Variants in PCDHGA2 observed in about 807,000 individuals in gnomAD.
PCDHGA2 encodes the protein protocadherin gamma subfamily A, 2.
A neutral mutation model predicts 59.2 loss-of-function variants in PCDHGA2; 40 were observed. The ratio of observed to expected loss-of-function variants is 0.68; its 90% CI spans 0.52 to 0.88. The LOEUF is 0.88. PCDHGA2 is among the 40% of genes least tolerant of loss of function. PCDHGA2 has a pLI of 0.00. For synonymous variants in PCDHGA2, 560 were observed against 526.0 expected (o/e 1.06, Z -0.89); for missense variants, 1,226 against 1,204.0 (o/e 1.02, Z -0.27).
intron 1 of PCDHGA2, among the ~76,000 whole-genome samples, chr5:141,443,789 A>G (rs1316614117): frequency 6.6e-6 from 1 of 152,234 alleles, no homozygotes; most frequent in East Asian, 1.9e-4. Context: ...GACAAAAAAA[A>G]TGAAAAGGAA....
At chr5:141,342,887 T>C (rs1757223099) in intron 1 of PCDHGA2, 1 of 152,214 alleles carries the variant, frequency 6.6e-6, no homozygotes, top group Admixed American at 6.5e-5. Flanking sequence ...ACAGTCTAGA[T>C]TTAAACAAAG....
In PCDHGA2 at chr5:141,388,120, C is replaced by G. The variant is rs945677635; in HGVS notation, c.2424+46725C>G. The G allele has an allele frequency of 2.8e-6, 4 of 1,422,500 alleles. No homozygotes were observed. The African/African-American group carries it at 5.8e-5, about 20-fold the overall frequency. 88.1% of individuals were successfully genotyped at this position (1,422,500 alleles called of 1,614,324 possible). On this transcript the variant is annotated intron_variant, in intron 1 of 3. Coordinates refer to ENST00000394576, the MANE Select transcript of PCDHGA2 (RefSeq NM_018915.4). ...GAGAAGCCTTACTTCACCGTGAGCG[C>G]AGAGAGCGGGGAGTTGCTTGTGAGC...
intron 1 of PCDHGA2, chr5:141,398,640 ACT>A (rs2093681875): frequency 1.9e-6 from 3 of 1,613,828 alleles, no homozygotes; most frequent in Non-Finnish European, 2.5e-6. Flanking sequence ...AGAAGTATAA[ACT>A]CTCTCTTAAC....
chr5:141,392,622 A>ACTCACAT, intron 1 of PCDHGA2: 1 of 558,650 alleles, frequency 1.8e-6, no homozygotes, highest in Non-Finnish European at 3.0e-6. Context: ...AACCGAAAAC[A>ACTCACAT]CTCAGATCTC....
Position 141,477,068 on chromosome 5 carries a change from C to G in PCDHGA2, c.2425-17739C>G. The G allele has an allele frequency of 6.2e-7, 1 of 1,614,268 alleles. No individual in the cohort carries two copies. Among genetic ancestry groups the G allele is most frequent in the Non-Finnish European group, 8.5e-7 (1 of 1,180,046 alleles). On this transcript the variant is annotated intron_variant, in intron 1 of 3. Coordinates refer to ENST00000394576, the MANE Select transcript of PCDHGA2 (RefSeq NM_018915.4). This position sits in a 1 kb window ranked among gnomAD's most constrained non-coding sequence, Gnocchi z 4.9. ...GCTGGACTTCGAGGACACCAAACTC[C>G]ATGAGATTTACATCCAGGCCAAAGA...
At chr5:141,415,647 A>C in intron 1 of PCDHGA2, 2 of 1,599,602 alleles carry the variant, frequency 1.3e-6, no homozygotes, top group Non-Finnish European at 1.7e-6. Context: ...TTGTTAAAAA[A>C]AAAAAGATTG....
intron 1 of PCDHGA2, chr5:141,388,788 T>C (rs1253708084): frequency 1.2e-6 from 2 of 1,613,942 alleles, no homozygotes; most frequent in Non-Finnish European, 1.7e-6. Flanking sequence ...AATTACTGTT[T>C]TAAATACATT....
intron 1 of PCDHGA2, among the ~76,000 whole-genome samples, chr5:141,459,838 A>G (rs944807247): frequency 6.6e-6 from 1 of 152,098 alleles, no homozygotes; most frequent in Non-Finnish European, 1.5e-5. Flanking sequence ...TGTGTTGTCT[A>G]TTTGTATATC....
chr5:141,400,128 G>T, intron 1 of PCDHGA2: 1 of 1,614,080 alleles, frequency 6.2e-7, no homozygotes, highest in Non-Finnish European at 8.5e-7. Context: ...TGCAGGAGGT[G>T]CTGCCGGATA....
intron 2 of PCDHGA2, among the ~76,000 whole-genome samples, chr5:141,496,125 T>C (rs1318749514): frequency 6.8e-6 from 1 of 146,032 alleles, no homozygotes; most frequent in Non-Finnish European, 1.5e-5. Context: ...TCCCTGCCCC[T>C]CACACACTGA....
In PCDHGA2 at chr5:141,485,910, G is replaced by C. The variant is rs142273728; in HGVS notation, c.2425-8897G>C. On this transcript the variant is annotated intron_variant, in intron 1 of 3. Transcript: ENST00000394576. The surrounding 1 kb of genome is among the most constrained non-coding windows in gnomAD (Gnocchi z 5.7). ...AACGCCCCAGCCTTCCAGCAATCCAGCTACAGGATTAGTGTGTTGGAGAGC... is the reference window on the plus strand; with the variant it reads ...AACGCCCCAGCCTTCCAGCAATCCACCTACAGGATTAGTGTGTTGGAGAGC... The C allele has an allele frequency of 1.2e-6, 2 of 1,614,078 alleles. No homozygotes were observed. Among genetic ancestry groups the C allele is most frequent in the African/African-American group, 2.7e-5 (2 of 74,932 alleles).
At chr5:141,405,082 G>A (rs376389835) in intron 1 of PCDHGA2, 21 of 1,613,674 alleles carry the variant, frequency 1.3e-5, no homozygotes, top group East Asian at 2.2e-5. Context: ...TCGTTATCAC[G>A]CTGCTGGCCC....
Position 141,340,840 on chromosome 5 carries a change from G to C in PCDHGA2, c.1869G>C (p.Thr623=), listed in dbSNP as rs767921524. The C allele has an allele frequency of 2.5e-6, 4 of 1,611,604 alleles. No homozygotes were observed. Among genetic ancestry groups the C allele is most frequent in the South Asian group, 2.2e-5 (2 of 90,894 alleles). ...GACTCTTCTCGGTGGGTCTGCACAC[G>C]GGCGAGGTGCGCACGGCGCGAGCCC... ...EPGLFSVGLH[T]GEVRTARALL... is the part of the protein sequence containing the mutation. The change falls in exon 1 of 4, where the codon ACG becomes ACC. Residue 623 remains threonine (T), a synonymous_variant. Transcript: ENST00000394576.
chr5:141,389,276 G>T (rs375882135), intron 1 of PCDHGA2: 4 of 1,613,858 alleles, frequency 2.5e-6, no homozygotes, highest in South Asian at 2.2e-5. Flanking sequence ...AGAACAACCC[G>T]CCTGGAGCCT....
At chr5:141,446,873 A>T (rs1324695415) in intron 1 of PCDHGA2, among the ~76,000 whole-genome samples, 1 of 152,132 alleles carries the variant, frequency 6.6e-6, no homozygotes, top group African/African-American at 2.4e-5. Flanking sequence ...CTACACTGGT[A>T]TGTTTTGGGG....
intron 1 of PCDHGA2, chr5:141,374,861 C>T (rs1252622215): frequency 1.9e-6 from 3 of 1,613,638 alleles, no homozygotes; most frequent in Non-Finnish European, 2.5e-6. Flanking sequence ...AGTAGGCACA[C>T]CAGTGTTGGC....
At chr5:141,372,366 G>T in intron 1 of PCDHGA2, 2 of 1,613,950 alleles carry the variant, frequency 1.2e-6, no homozygotes, top group East Asian at 4.5e-5. Context: ...TTCAGCCACC[G>T]TCATGCTGCA....
intron 1 of PCDHGA2, chr5:141,360,626 C>T (rs767378932): frequency 1.5e-5 from 24 of 1,613,892 alleles, no homozygotes; most frequent in Non-Finnish European, 7.6e-6. Flanking sequence ...GATGTTGGTC[C>T]TAACTCACTA....
chr5:141,444,325 C>G (rs2098432231), intron 1 of PCDHGA2, among the ~76,000 whole-genome samples: 1 of 151,840 alleles, frequency 6.6e-6, no homozygotes, highest in Non-Finnish European at 1.5e-5. Flanking sequence ...GCATGTGCCA[C>G]CACGCCCAGC....
Sources: allele counts gnomAD v4.1 joint callset (sites outside exome capture counted in the v4.1 genomes callset), GRCh38; gene constraint gnomAD v4.1.1; non-coding constraint Gnocchi (gnomAD v3.1); transcripts MANE v1.5; gene names NCBI Gene and HGNC (gene_info 2026-07-23, HGNC 2026-07-21).